BTG4: variants seen among roughly 807,000 people sequenced by gnomAD.
The protein encoded by BTG4 is protein BTG4.
BTG4 carries 10 observed loss-of-function variants against 19.3 expected under a neutral mutation model. The ratio of observed to expected loss-of-function variants is 0.52; its 90% CI spans 0.32 to 0.88. The LOEUF is 0.88. Among genes scored for constraint, BTG4 ranks in the 40% least tolerant of loss-of-function variants. BTG4 has a pLI of 0.04. For synonymous variants in BTG4, 91 were observed against 95.7 expected (o/e 0.95, Z 0.29); for missense variants, 238 against 281.9 (o/e 0.84, Z 1.11).
intron 5 of BTG4, among the ~76,000 whole-genome samples, chr11:111,481,564 T>C (rs1302850649): frequency 6.6e-6 from 1 of 151,856 alleles, no homozygotes; most frequent in Non-Finnish European, 1.5e-5. Context: ...AATATAAATG[T>C]AAAAACCCTT....
Position 111,473,835 on chromosome 11 carries a change from AG to A in BTG4, c.663-6155del, listed in dbSNP as rs907890212. Among the ~76,000 whole-genome samples, 3 of 152,318 alleles carry A rather than the reference AG, an allele frequency of 2.0e-5. No homozygotes were observed. The East Asian group carries it at 5.8e-4, about 29-fold the overall frequency. On this transcript the variant is annotated intron_variant, in intron 5 of 5. Coordinates refer to the BTG4 transcript ENST00000356018. ...TTCATCAAGCTGGAGGAGAACAAAA[AG>A]TAGCTAGAACATGGGTCCACTGTCT...
chr11:111,385,742 A>T, the BTG4 span: 1 of 152,232 alleles, frequency 6.6e-6, no homozygotes, highest in Non-Finnish European at 1.5e-5. Context: ...TCTATTTGTA[A>T]TTTAAGAAAA....
the BTG4 span, chr11:111,453,297 G>A: frequency 8.7e-6 from 3 of 344,030 alleles, no homozygotes; most frequent in South Asian, 4.6e-5. Flanking sequence ...GAGAGGATGA[G>A]GTGCTCCCTA....
At chr11:111,412,874 A>G in the BTG4 span, among the ~76,000 whole-genome samples, 1 of 152,234 alleles carries the variant, frequency 6.6e-6, no homozygotes, top group Non-Finnish European at 1.5e-5. Flanking sequence ...TCAACACAAA[A>G]CTTCATTGTA....
In BTG4 at chr11:111,498,071, T is replaced by G. The variant is rs985509225; in HGVS notation, c.238A>C (p.Asn80His). ...AGTCCCAGGTGAGAAAAATCTACATTACTTTCCACACATGCCCTTTCTAGA... is the reference window on the plus strand; with the variant it reads ...AGTCCCAGGTGAGAAAAATCTACATGACTTTCCACACATGCCCTTTCTAGA... ...PILERACVES[N>H]VDFSHLGLPK... The change falls in exon 3 of 5, where the codon AAT becomes CAT. Residue 80 changes from asparagine (N) to histidine (H), a missense_variant. Asn to His is a moderately conservative substitution (Grantham distance 68, BLOSUM62 1). Transcript: ENST00000692032. The G allele has an allele frequency of 5.0e-6, 8 of 1,614,140 alleles. No individual in the cohort carries two copies. The highest frequency in any genetic ancestry group is 3.3e-4 in the Middle Eastern group (2 of 6,062).
chr11:111,431,000 T>C, the BTG4 span, among the ~76,000 whole-genome samples: 1 of 152,246 alleles, frequency 6.6e-6, no homozygotes, highest in Non-Finnish European at 1.5e-5. Context: ...CAGCTCAGCA[T>C]GGTCTCACAT....
chr11:111,498,200 T>C (rs2135682392), intron 2 of BTG4, 65 bp from the exon 3 acceptor site: 2 of 1,567,926 alleles, frequency 1.3e-6, no homozygotes, highest in Non-Finnish European at 8.7e-7. Flanking sequence ...AATCACATTA[T>C]GCACATACTG....
intron 1 of BTG4, among the ~76,000 whole-genome samples, chr11:111,504,322 A>G (rs753816686): frequency 6.6e-6 from 1 of 152,116 alleles, no homozygotes; most frequent in Non-Finnish European, 1.5e-5. Context: ...ACAAAATTGC[A>G]TTTCCCAAAA....
chr11:111,442,726 T>C, the BTG4 span, among the ~76,000 whole-genome samples: 1 of 151,562 alleles, frequency 6.6e-6, no homozygotes, highest in Non-Finnish European at 1.5e-5. Flanking sequence ...AAAAACTCTC[T>C]ATCTAAATCT....
At chr11:111,444,191 G>C in the BTG4 span, among the ~76,000 whole-genome samples, 1 of 132,298 alleles carries the variant, frequency 7.6e-6, no homozygotes, top group African/African-American at 2.8e-5. Context: ...GGGTGTGTGT[G>C]TGTGTGTGTG....
downstream of BTG4, among the ~76,000 whole-genome samples, chr11:111,493,532 C>T (rs1865544840): frequency 6.6e-6 from 1 of 152,164 alleles, no homozygotes; most frequent in South Asian, 2.1e-4. Flanking sequence ...CTTGTTTCTG[C>T]CCCATTATCT....
chr11:111,467,296 G>A (rs1199371229), downstream of BTG4, among the ~76,000 whole-genome samples: 2 of 152,134 alleles, frequency 1.3e-5, no homozygotes, highest in Non-Finnish European at 2.9e-5. Flanking sequence ...TTAAAATCTA[G>A]GCATCATGGC....
the BTG4 span, among the ~76,000 whole-genome samples, chr11:111,390,241 C>T: frequency 6.6e-6 from 1 of 152,186 alleles, no homozygotes; most frequent in Non-Finnish European, 1.5e-5. Context: ...TTCATTCATG[C>T]ACTCATTCAT....
chr11:111,430,181 G>A, the BTG4 span, among the ~76,000 whole-genome samples: 5 of 152,282 alleles, frequency 3.3e-5, 1 homozygote, highest in African/African-American at 1.2e-4. Flanking sequence ...CTGACGACAC[G>A]TGCCCAAGGT....
chr11:111,505,836 A>AT (rs1193348979), intron 1 of BTG4, among the ~76,000 whole-genome samples: 53 of 152,294 alleles, frequency 3.5e-4, no homozygotes, highest in African/African-American at 1.3e-3. Context: ...CATTTCTCAG[A>AT]AGAAGAAATA....
At chr11:111,404,342 A>T in the BTG4 span, among the ~76,000 whole-genome samples, 5 of 152,322 alleles carry the variant, frequency 3.3e-5, no homozygotes, top group Non-Finnish European at 5.9e-5. Context: ...TAGATGAAGA[A>T]AACTAAAATT....
chr11:111,513,755 T>C (rs1867111651), upstream of BTG4, among the ~76,000 whole-genome samples: 3 of 152,220 alleles, frequency 2.0e-5, no homozygotes, highest in Non-Finnish European at 4.4e-5. Context: ...GGGAATATGA[T>C]TTTTTTCTTA....
chr11:111,470,683 G>A (rs961918932), intron 5 of BTG4, among the ~76,000 whole-genome samples: 3 of 152,142 alleles, frequency 2.0e-5, no homozygotes, highest in East Asian at 1.9e-4. Flanking sequence ...TTGGGAGGCC[G>A]AGGCAGAAAG....
chr11:111,416,964 C>T, the BTG4 span: 1 of 152,208 alleles, frequency 6.6e-6, no homozygotes, highest in Non-Finnish European at 1.5e-5. Context: ...GGGAGCCGGT[C>T]CCCAGCTCTT....
Sources: allele counts gnomAD v4.1 joint callset (sites outside exome capture counted in the v4.1 genomes callset), GRCh38; gene constraint gnomAD v4.1.1; transcripts MANE v1.5; gene names NCBI Gene and HGNC (gene_info 2026-07-23, HGNC 2026-07-21).